TRAPPC9: variants seen among roughly 807,000 people sequenced by gnomAD.
TRAPPC9 encodes the protein trafficking protein particle complex subunit 9, also known as IKK2 binding protein.
Under a neutral mutation model 124.0 loss-of-function variants are expected in TRAPPC9, and 83 were observed. That is an observed-to-expected ratio of 0.67 (90% confidence interval 0.56 to 0.80). TRAPPC9 has a LOEUF of 0.80. Ranked by LOEUF, TRAPPC9 falls within the 30% of genes least tolerant of loss-of-function variation. The pLI, the probability that TRAPPC9 is intolerant of heterozygous loss-of-function variation, is 0.00. For missense variants in TRAPPC9, 1,302 were observed against 1,508.3 expected, an observed-to-expected ratio of 0.86 and a Z score of 2.27; for synonymous variants, 638 against 617.5, an observed-to-expected ratio of 1.03 and a Z score of -0.49.
At chr8:139,824,965 T>C (rs1395202992) in intron 21 of TRAPPC9, among the ~76,000 whole-genome samples, 1 of 152,154 alleles carries the variant, frequency 6.6e-6, no homozygotes, top group African/African-American at 2.4e-5. Flanking sequence ...GGGTTTTCTG[T>C]GTGCTCTCGT....
intron 17 of TRAPPC9, among the ~76,000 whole-genome samples, chr8:140,198,065 T>C (rs1229096205): frequency 1.3e-5 from 2 of 152,142 alleles, no homozygotes; most frequent in African/African-American, 4.8e-5. Flanking sequence ...ATTCACAGCA[T>C]CCACAGGGTG....
At chr8:140,001,369 T>C (rs879571885) in intron 18 of TRAPPC9, among the ~76,000 whole-genome samples, 37 of 147,952 alleles carry the variant, frequency 2.5e-4, no homozygotes, top group Admixed American at 1.8e-3. Context: ...GCACATGTAC[T>C]CTAGAACTTA....
Position 140,169,926 on chromosome 8 carries a change from C to T in TRAPPC9, c.2556+51533G>A, listed in dbSNP as rs924301449. On this transcript the variant is annotated intron_variant, in intron 17 of 22. Transcript: ENST00000438773. ...CTAGTTTCTGCATTTTCTGTAGAGA[C>T]GGGGTTTCACCATGTTGCCTAGGGT... Among the ~76,000 whole-genome samples, 5 of 152,120 alleles carry T rather than the reference C, an allele frequency of 3.3e-5. 1 individual carries two copies. The highest frequency in any genetic ancestry group is 4.2e-4 in the South Asian group (2 of 4,818).
chr8:139,764,320 C>T (rs891167956), intron 21 of TRAPPC9, among the ~76,000 whole-genome samples: 5 of 152,118 alleles, frequency 3.3e-5, no homozygotes, highest in Admixed American at 3.3e-4. Context: ...ACGTGGATCA[C>T]AGGAGATGGT....
intron 15 of TRAPPC9, among the ~76,000 whole-genome samples, 197 bp from the exon 16 acceptor site, chr8:140,253,126 G>A (rs1249831435): frequency 6.6e-6 from 1 of 152,118 alleles, no homozygotes; most frequent in Non-Finnish European, 1.5e-5. Flanking sequence ...TATGAAGGAG[G>A]CACAGGGAGG....
chr8:140,452,753 A>G (rs1404309327), intron 1 of TRAPPC9, among the ~76,000 whole-genome samples: 1 of 152,190 alleles, frequency 6.6e-6, no homozygotes, highest in Non-Finnish European at 1.5e-5. Flanking sequence ...ACAAATGAAC[A>G]ATCCAATGAA....
At chr8:140,377,082 C>T (rs186082833) in intron 7 of TRAPPC9, among the ~76,000 whole-genome samples, 411 of 152,216 alleles carry the variant, frequency 2.7e-3, no homozygotes, top group African/African-American at 9.1e-3. Flanking sequence ...CAAGCAAAGT[C>T]CGCGCTTGAC....
chr8:140,273,661 C>T (rs1045576225), intron 15 of TRAPPC9, among the ~76,000 whole-genome samples: 5 of 152,138 alleles, frequency 3.3e-5, no homozygotes, highest in African/African-American at 1.2e-4. Flanking sequence ...CTGCCCAGGC[C>T]CCTCTGCCTG....
rs566305274 is a variant in TRAPPC9 at position 139,734,259 on chromosome 8, A to C, written c.3056-2057T>G. The stretch of plus-strand genomic sequence containing the variant: ...GTGCTCTCCATAGCCCGTGTGCCAG[A>C]GAGGTTTAAGGGTACGCAATTCTGA... On this transcript the variant is annotated intron_variant, in intron 21 of 22. Coordinates refer to ENST00000438773, the MANE Select transcript of TRAPPC9 (RefSeq NM_001160372.4). 2.6e-5 allele frequency among the ~76,000 whole-genome samples: 4 copies of C among 152,330 alleles called. No homozygotes were observed. In the South Asian group the frequency reaches 6.2e-4, roughly 24 times the overall value.
intron 8 of TRAPPC9, among the ~76,000 whole-genome samples, chr8:140,367,011 A>G (rs933251755): frequency 2.6e-5 from 4 of 152,210 alleles, no homozygotes; most frequent in African/African-American, 7.2e-5. Flanking sequence ...ATTGCAAAGT[A>G]AAGCAACGAG....
chr8:140,320,945 G>A (rs1321624986), intron 9 of TRAPPC9, among the ~76,000 whole-genome samples: 1 of 152,224 alleles, frequency 6.6e-6, no homozygotes, highest in African/African-American at 2.4e-5. Context: ...TACACCTGTA[G>A]CAACTTCCAC....
At chr8:140,156,262 G>C (rs2061628499) in intron 17 of TRAPPC9, among the ~76,000 whole-genome samples, 1 of 152,184 alleles carries the variant, frequency 6.6e-6, no homozygotes, top group Non-Finnish European at 1.5e-5. Flanking sequence ...CAACCTGGGA[G>C]CAAGGTGACG....
chr8:139,884,459 C>G (rs1456505755), intron 21 of TRAPPC9, among the ~76,000 whole-genome samples: 2 of 152,192 alleles, frequency 1.3e-5, no homozygotes, highest in Admixed American at 6.5e-5. Context: ...CTCTTGGGCC[C>G]CTGTTCTGCC....
At chr8:139,974,752 G>A (rs1299062711) in intron 19 of TRAPPC9, among the ~76,000 whole-genome samples, 1 of 152,070 alleles carries the variant, frequency 6.6e-6, no homozygotes, top group Non-Finnish European at 1.5e-5. Flanking sequence ...AGCTCCTACA[G>A]GGCTCCATTT....
intron 10 of TRAPPC9, among the ~76,000 whole-genome samples, chr8:140,305,913 A>G (rs2066116156): frequency 6.6e-6 from 1 of 152,270 alleles, no homozygotes. Flanking sequence ...AGCTAACTGC[A>G]GAATGCGGGA....
chr8:140,338,311 T>G (rs897588455), intron 9 of TRAPPC9, among the ~76,000 whole-genome samples: 3 of 152,128 alleles, frequency 2.0e-5, no homozygotes, highest in Non-Finnish European at 4.4e-5. Context: ...AGCTGACATT[T>G]CATATGTGTC....
intron 20 of TRAPPC9, among the ~76,000 whole-genome samples, chr8:139,887,863 G>T (rs1830112642): frequency 1.3e-5 from 2 of 152,188 alleles, no homozygotes; most frequent in South Asian, 4.1e-4. Flanking sequence ...ATTGCCTGAT[G>T]AATAAATGAA....
chr8:140,427,209 T>G (rs1333460073), intron 4 of TRAPPC9, among the ~76,000 whole-genome samples: 1 of 151,930 alleles, frequency 6.6e-6, no homozygotes, highest in East Asian at 1.9e-4. Context: ...CAGCTCTTCT[T>G]AAACAAGTAT....
At chr8:140,282,742 A>G (rs2065362835) in intron 14 of TRAPPC9, among the ~76,000 whole-genome samples, 1 of 152,254 alleles carries the variant, frequency 6.6e-6, no homozygotes, top group Non-Finnish European at 1.5e-5. Flanking sequence ...AAAGTAATCT[A>G]TAATACTATA....
Sources: gnomAD v4.1 joint callset for allele counts (sites outside exome capture counted in the v4.1 genomes callset) on GRCh38, gnomAD v4.1.1 for gene constraint, MANE v1.5 for transcripts, NCBI Gene and HGNC (gene_info 2026-07-23, HGNC 2026-07-21) for gene names.